The following CNTNAP4 variants were observed in gnomAD, a reference collection of about 807,000 sequenced individuals.
CNTNAP4 encodes the protein contactin associated protein family member 4.
CNTNAP4 carries 98 observed loss-of-function variants against 148.4 expected under a neutral mutation model. The observed-to-expected ratio is 0.66, with a 90% confidence interval of 0.56 to 0.78. The LOEUF (loss-of-function observed/expected upper bound fraction) is 0.78. Among genes scored for constraint, CNTNAP4 ranks in the 30% least tolerant of loss-of-function variants. The pLI, the probability that CNTNAP4 is intolerant of heterozygous loss-of-function variation, is 0.00. For missense variants in CNTNAP4, 1,935 were observed against 1,565.6 expected (o/e 1.24, Z -3.98); for synonymous variants, 730 against 565.1 (o/e 1.29, Z -4.14).
chr16:76,536,829 G>A (rs1443200509), intron 18 of CNTNAP4, among the ~76,000 whole-genome samples: 2 of 152,108 alleles, frequency 1.3e-5, no homozygotes, highest in Non-Finnish European at 2.9e-5. Flanking sequence ...CTCTTTCATA[G>A]TTCCTCATAG....
At chr16:76,348,647 C>T (rs138121287) in intron 2 of CNTNAP4, among the ~76,000 whole-genome samples, 4 of 152,198 alleles carry the variant, frequency 2.6e-5, no homozygotes, top group East Asian at 1.9e-4. Context: ...TAGTATCAAA[C>T]GCCACAGATT....
At chr16:76,331,938 A>G (rs1286152048) in intron 2 of CNTNAP4, among the ~76,000 whole-genome samples, 1 of 152,104 alleles carries the variant, frequency 6.6e-6, no homozygotes, top group Non-Finnish European at 1.5e-5. Context: ...TTATTCGGGA[A>G]TGTCACTTCT....
intron 2 of CNTNAP4, among the ~76,000 whole-genome samples, chr16:76,326,516 C>G (rs1042226635): frequency 1.3e-5 from 2 of 152,118 alleles, no homozygotes; most frequent in Non-Finnish European, 2.9e-5. Flanking sequence ...TATTGCGGCA[C>G]TATTCACAAT....
At chr16:76,432,119 A>G (rs562036975) in intron 4 of CNTNAP4, among the ~76,000 whole-genome samples, 1 of 152,286 alleles carries the variant, frequency 6.6e-6, no homozygotes, top group South Asian at 2.1e-4. Flanking sequence ...AAAAATGGGA[A>G]TGCATTTCCG....
intron 2 of CNTNAP4, among the ~76,000 whole-genome samples, chr16:76,333,779 G>GTTTTT (rs549878036): frequency 9.9e-4 from 45 of 45,582 alleles, no homozygotes; most frequent in South Asian, 1.9e-3. Context: ...TGGGTTATAG[G>GTTTTT]TTTTTTTTTT....
At chr16:76,390,997 C>T (rs1177960769) in intron 3 of CNTNAP4, among the ~76,000 whole-genome samples, 1 of 152,082 alleles carries the variant, frequency 6.6e-6, no homozygotes, top group Non-Finnish European at 1.5e-5. Flanking sequence ...AGCACTTATC[C>T]TTTGAGTCAC....
intron 4 of CNTNAP4, among the ~76,000 whole-genome samples, chr16:76,441,242 A>G (rs182713546): frequency 6.6e-5 from 10 of 152,258 alleles, no homozygotes; most frequent in East Asian, 1.9e-4. Flanking sequence ...GTTTTTATGC[A>G]TCACTGTGTC....
At chr16:76,331,815 G>T (rs1201383509) in intron 2 of CNTNAP4, among the ~76,000 whole-genome samples, 1 of 152,130 alleles carries the variant, frequency 6.6e-6, no homozygotes, top group South Asian at 2.1e-4. Flanking sequence ...TCCATACAGT[G>T]TTCTTTACGT....
chr16:76,525,334 C>G (rs1050192070), intron 17 of CNTNAP4, among the ~76,000 whole-genome samples: 1 of 151,096 alleles, frequency 6.6e-6, no homozygotes, highest in Non-Finnish European at 1.5e-5. Context: ...AAAACACCTA[C>G]TAGGACCAAA....
intron 2 of CNTNAP4, among the ~76,000 whole-genome samples, chr16:76,338,592 T>C (rs1017685304): frequency 3.9e-5 from 6 of 152,178 alleles, no homozygotes; most frequent in African/African-American, 1.4e-4. Context: ...ACTTCTCAAG[T>C]GCTCATTCCA....
At chr16:76,517,506 G>C (rs1280514664) in intron 15 of CNTNAP4, among the ~76,000 whole-genome samples, 1 of 152,216 alleles carries the variant, frequency 6.6e-6, no homozygotes, top group Non-Finnish European at 1.5e-5. Flanking sequence ...CATTTGAATA[G>C]TGAATGATTC....
chr16:76,413,563 T>TA (rs71134757), intron 3 of CNTNAP4, among the ~76,000 whole-genome samples: 107,425 of 146,192 alleles, frequency 0.73, 40,982 homozygotes, highest in Non-Finnish European at 0.85. Flanking sequence ...TAATATCCAG[T>TA]AAAAAAAAAA....
intron 9 of CNTNAP4, among the ~76,000 whole-genome samples, chr16:76,464,426 C>T (rs2081101110): frequency 6.6e-6 from 1 of 152,160 alleles, no homozygotes; most frequent in Non-Finnish European, 1.5e-5. Flanking sequence ...TGGGAACAAC[C>T]TCCTTCCCCC....
chr16:76,469,250 T>G (rs1369556986), intron 10 of CNTNAP4, among the ~76,000 whole-genome samples: 1 of 152,200 alleles, frequency 6.6e-6, no homozygotes, highest in African/African-American at 2.4e-5. Flanking sequence ...AAAGATGATA[T>G]GAAAAGAGAG....
intron 2 of CNTNAP4, among the ~76,000 whole-genome samples, chr16:76,331,244 G>A (rs1963488160): frequency 6.6e-6 from 1 of 151,688 alleles, no homozygotes; most frequent in Non-Finnish European, 1.5e-5. Context: ...CTGGAGTGCA[G>A]TGGCGCGATC....
chr16:76,439,007 A>G (rs1356813943), intron 4 of CNTNAP4, among the ~76,000 whole-genome samples: 6 of 152,154 alleles, frequency 3.9e-5, no homozygotes, highest in Admixed American at 2.0e-4. Context: ...GACCAATTGT[A>G]ATTGTACATA....
chr16:76,306,923 A>G (rs2143989221), intron 1 of CNTNAP4, among the ~76,000 whole-genome samples: 1 of 152,330 alleles, frequency 6.6e-6, no homozygotes, highest in East Asian at 1.9e-4. Flanking sequence ...AGCAGTATGT[A>G]TCAGACCTCG....
chr16:76,325,856 C>A (rs1962916371), intron 2 of CNTNAP4, among the ~76,000 whole-genome samples: 1 of 151,984 alleles, frequency 6.6e-6, no homozygotes, highest in African/African-American at 2.4e-5. Context: ...AAGAAACTTT[C>A]TGCTAATTTT....
chr16:76,419,259 T>C (rs2079095500), intron 3 of CNTNAP4, among the ~76,000 whole-genome samples: 1 of 151,852 alleles, frequency 6.6e-6, no homozygotes, highest in Non-Finnish European at 1.5e-5. Flanking sequence ...ACAGGAAAGG[T>C]ACGGAGGCTG....
Sources: gnomAD v4.1 joint callset for allele counts (sites outside exome capture counted in the v4.1 genomes callset) on GRCh38, gnomAD v4.1.1 for gene constraint, MANE v1.5 for transcripts, NCBI Gene and HGNC (gene_info 2026-07-23, HGNC 2026-07-21) for gene names.